Variants in GRIA1 observed in about 807,000 individuals in gnomAD.
GRIA1 encodes glutamate receptor 1.
A neutral mutation model predicts 99.2 loss-of-function variants in GRIA1; 31 were observed. That is an observed-to-expected ratio of 0.31 (90% confidence interval 0.23 to 0.42). The LOEUF (loss-of-function observed/expected upper bound fraction) is 0.42. GRIA1 is among the 10% of genes least tolerant of loss of function. GRIA1 has a pLI of 1.00. For synonymous variants in GRIA1, 438 were observed against 432.4 expected (o/e 1.01, Z -0.16); for missense variants, 782 against 1,157.5 (o/e 0.68, Z 4.71).
chr5:153,724,192 C>G (rs1425030068), intron 11 of GRIA1, among the ~76,000 whole-genome samples: 2 of 151,840 alleles, frequency 1.3e-5, no homozygotes, highest in Non-Finnish European at 2.9e-5. Context: ...GGTCCTGTCT[C>G]TTAGAAGGAA....
intron 5 of GRIA1, among the ~76,000 whole-genome samples, chr5:153,656,383 T>TATATATATA (rs1754951606): frequency 2.2e-5 from 2 of 92,680 alleles, no homozygotes; most frequent in African/African-American, 4.2e-5. Context: ...ATAAGTTTGT[T>TATATATATA]TATATATATA....
chr5:153,740,370 A>G (rs2149573204), intron 11 of GRIA1, among the ~76,000 whole-genome samples: 1 of 152,344 alleles, frequency 6.6e-6, no homozygotes, highest in East Asian at 1.9e-4. Flanking sequence ...AGCAGACTGC[A>G]TGCATGAGGT....
chr5:153,595,851 C>T (rs1321389994), intron 2 of GRIA1, among the ~76,000 whole-genome samples: 5 of 151,108 alleles, frequency 3.3e-5, no homozygotes, highest in Non-Finnish European at 7.4e-5. Context: ...ACACAGAATG[C>T]TGGGCAGGCA....
intron 2 of GRIA1, among the ~76,000 whole-genome samples, chr5:153,616,792 G>A (rs537116188): frequency 6.6e-6 from 1 of 152,310 alleles, no homozygotes; most frequent in South Asian, 2.1e-4. Flanking sequence ...AGTTGAGTTG[G>A]AGGCCATGTG....
At chr5:153,683,049 C>T (rs569820320) in intron 7 of GRIA1, among the ~76,000 whole-genome samples, 7 of 152,304 alleles carry the variant, frequency 4.6e-5, no homozygotes, top group African/African-American at 1.7e-4. Context: ...GGAGCAGGAA[C>T]CAAGAAGAAG....
intron 13 of GRIA1, among the ~76,000 whole-genome samples, chr5:153,780,074 AATTG>A (rs1764536068): frequency 6.6e-6 from 1 of 152,184 alleles, no homozygotes; most frequent in Non-Finnish European, 1.5e-5. Context: ...CTGATACACA[AATTG>A]CATGTTGCTT....
chr5:153,588,715 T>C (rs1763712419), intron 2 of GRIA1, among the ~76,000 whole-genome samples: 1 of 152,204 alleles, frequency 6.6e-6, no homozygotes, highest in South Asian at 2.1e-4. Context: ...GTACTGAAAG[T>C]AATGATTAAA....
At chr5:153,671,482 G>A (rs1756169808) in intron 5 of GRIA1, among the ~76,000 whole-genome samples, 1 of 152,172 alleles carries the variant, frequency 6.6e-6, no homozygotes, top group Admixed American at 6.5e-5. Flanking sequence ...AATGCATATT[G>A]GGTACAGGAA....
chr5:153,493,350 A>T (rs929092349), intron 1 of GRIA1, among the ~76,000 whole-genome samples: 1 of 152,190 alleles, frequency 6.6e-6, no homozygotes, highest in Non-Finnish European at 1.5e-5. Flanking sequence ...TGAATAATAA[A>T]CCTTAGGGGC....
intron 5 of GRIA1, among the ~76,000 whole-genome samples, chr5:153,661,662 C>CAATGAATG (rs376904338): frequency 4.0e-5 from 6 of 151,794 alleles, no homozygotes; most frequent in African/African-American, 1.5e-4. Context: ...TTTAAAAAGT[C>CAATGAATG]AATGAATGAA....
intron 13 of GRIA1, among the ~76,000 whole-genome samples, chr5:153,773,807 T>C (rs769348337): frequency 1.3e-5 from 2 of 152,126 alleles, no homozygotes; most frequent in Non-Finnish European, 2.9e-5. Context: ...ACAGCGCTCC[T>C]TTCTCTCCAG....
chr5:153,721,913 T>C (rs1464752939), intron 11 of GRIA1, among the ~76,000 whole-genome samples: 2 of 152,224 alleles, frequency 1.3e-5, no homozygotes, highest in East Asian at 1.9e-4. Flanking sequence ...ATATTTTCTA[T>C]TGTAGATGCT....
chr5:153,698,076 C>G lies in GRIA1; in HGVS notation c.1167C>G (p.Val389=). The G allele has an allele frequency of 1.2e-6, 2 of 1,609,166 alleles. No homozygotes were observed. Among genetic ancestry groups the G allele is most frequent in the Non-Finnish European group, 1.7e-6 (2 of 1,175,568 alleles). Residue 389 remains valine (V), a synonymous_variant, in exon 9 of 16, where the codon GTC becomes GTG. Transcript: ENST00000285900. ...ACTGGAATGAAGATGATAAGTTTGT[C>G]CCTGCAGCCACCGATGCCCAAGCTG... ...IGYWNEDDKF[V]PAATDAQAGG...
chr5:153,806,419 C>T (rs1337788449), intron 15 of GRIA1, among the ~76,000 whole-genome samples: 1 of 152,132 alleles, frequency 6.6e-6, no homozygotes, highest in Admixed American at 6.5e-5. Flanking sequence ...TCACGTGCCA[C>T]TACACCTGGC....
chr5:153,653,204 C>T (rs2149461637), intron 4 of GRIA1, among the ~76,000 whole-genome samples: 1 of 152,278 alleles, frequency 6.6e-6, no homozygotes, highest in East Asian at 1.9e-4. Flanking sequence ...ATCAATGAAG[C>T]CTCTAAGAAA....
chr5:153,647,246 T>C, intron 3 of GRIA1, 79 bp downstream of exon 3: 1 of 1,479,318 alleles, frequency 6.8e-7, no homozygotes, highest in Admixed American at 2.0e-5. Context: ...GATGCCTCAC[T>C]GCTTCCCTGA....
rs749421031 is a variant in GRIA1, at chr5:153,706,132, GT to G, written c.1823+71del. The G allele has an allele frequency of 2.7e-6, 4 of 1,477,618 alleles. No homozygotes were observed. In the African/African-American group the frequency reaches 5.6e-5, roughly 21 times the overall value. The allele number at this position is 1,477,618 out of a possible 1,614,324, so 91.5% of individuals were successfully genotyped here. On this transcript the variant is annotated intron_variant, in intron 11 of 15. Coordinates refer to ENST00000285900, the MANE Select transcript of GRIA1 (RefSeq NM_000827.4). ...GTTTTGTTTGTTTGTTTGTTTGTTT[GT>G]TTTTTAAATACTGAAAAGTAAAGAG...
At chr5:153,500,157 T>A (rs1754847000) in intron 2 of GRIA1, among the ~76,000 whole-genome samples, 1 of 152,232 alleles carries the variant, frequency 6.6e-6, no homozygotes, top group Admixed American at 6.5e-5. Context: ...AAACATTTCT[T>A]TCCCTGACTA....
intron 11 of GRIA1, among the ~76,000 whole-genome samples, chr5:153,723,950 G>A (rs1406696142): frequency 1.3e-5 from 2 of 152,222 alleles, no homozygotes; most frequent in Non-Finnish European, 2.9e-5. Context: ...CCTCAAGTGA[G>A]TCCCTAACCC....
Sources: gnomAD v4.1 joint callset for allele counts (sites outside exome capture counted in the v4.1 genomes callset) on GRCh38, gnomAD v4.1.1 for gene constraint, MANE v1.5 for transcripts, NCBI Gene and HGNC (gene_info 2026-07-23, HGNC 2026-07-21) for gene names.